UGT1A10: variants seen among roughly 807,000 people sequenced by gnomAD.
UGT1A10 encodes UDP glucuronosyltransferase family 1 member A10.
In UGT1A10, 49 loss-of-function variants were observed where a neutral mutation model predicts 45.8. The observed-to-expected ratio is 1.07, with a 90% CI of 0.85 to 1.36. The LOEUF is 1.36. Among genes scored for constraint, UGT1A10 ranks in the 40% most tolerant of loss-of-function variants. UGT1A10 has a pLI of 0.00. For synonymous variants in UGT1A10, 284 were observed against 249.7 expected (o/e 1.14, Z -1.29); for missense variants, 745 against 668.6 (o/e 1.11, Z -1.26).
Position 233,757,535 on chromosome 2 carries a change from A to AATATATATATATATAT in UGT1A10, c.856-9488_856-9473dup, listed in dbSNP as rs67292694. On this transcript the variant is annotated intron_variant, in intron 1 of 4. Coordinates refer to ENST00000344644, the MANE Select transcript of UGT1A10 (RefSeq NM_019075.4). Reference sequence around the variant, plus strand: ...CAAAGCCAAAATCTTGCCTGTAAGGAATATATATATATATATATATATATA... The same window carrying AATATATATATATATAT: ...CAAAGCCAAAATCTTGCCTGTAAGGAATATATATATATATATATATATATATATATATATATATATA... 5.8e-3 allele frequency among the ~76,000 whole-genome samples: 508 copies of AATATATATATATATAT among 88,168 alleles called. 6 individuals are homozygous for AATATATATATATATAT. The highest frequency in any genetic ancestry group is 0.021 in the Admixed American group (195 of 9,086). 57.8% of individuals were successfully genotyped at this position (88,168 alleles called of 152,430 possible).
chr2:233,636,766 A>C lies in UGT1A10; in HGVS notation c.244A>C (p.Thr82Pro). 1 of 1,614,028 alleles carries C rather than the reference A, an allele frequency of 6.2e-7. No homozygotes were observed. The highest frequency in any genetic ancestry group is 8.5e-7 in the Non-Finnish European group (1 of 1,180,008). ...CTVKTYSTSY[T>P]LEDQNREFMV... is the part of the protein sequence containing the mutation. ...AGTGAAGACTTACTCAACCTCGTAC[A>C]CTCTGGAAGATCAGAACCGGGAATT... Residue 82 changes from threonine to proline, a missense_variant, in exon 1 of 5, where the codon ACT becomes CCT. Transcript: ENST00000344644.
chr2:233,657,748 T>A (rs2073887147), intron 1 of UGT1A10, among the ~76,000 whole-genome samples: 3 of 152,230 alleles, frequency 2.0e-5, no homozygotes, highest in Non-Finnish European at 4.4e-5. Context: ...TTTTCCTATT[T>A]AAATATGATG....
rs894472929 is a variant in UGT1A10 at position 233,670,533 on chromosome 2, A to T, written c.855+33156A>T. Among the ~76,000 whole-genome samples, 3 of 152,208 alleles carry T rather than the reference A, an allele frequency of 2.0e-5. No individual in the cohort carries two copies. The East Asian group carries it at 5.8e-4, about 29-fold the overall frequency. On this transcript the variant is annotated intron_variant, in intron 1 of 4. Coordinates refer to ENST00000344644, the MANE Select transcript of UGT1A10 (RefSeq NM_019075.4). ...GGAAGCCTTTGCCAAACTGTTTAAT[A>T]GGAATTTGTTTTCTGGCATGGCTTC... is the stretch of plus-strand genomic sequence containing the variant.
In UGT1A10 at chr2:233,768,291, G is replaced by T; in HGVS notation, c.1147G>T (p.Val383Phe). The change falls in exon 4 of 5, where the codon GTT becomes TTT. Residue 383 changes from valine to phenylalanine, a missense_variant. Physicochemically the swap from Val to Phe is conservative, Grantham distance 50. Coordinates refer to ENST00000344644, the MANE Select transcript of UGT1A10 (RefSeq NM_019075.4). ...HGVYESICNG[V>F]PMVMMPLFGD... ...TGTTTATGAAAGCATATGCAATGGC[G>T]TTCCCATGGTGATGATGCCCTTGTT... is the stretch of plus-strand genomic sequence containing the variant. 1 of 1,614,148 alleles carries T rather than the reference G, an allele frequency of 6.2e-7. No homozygotes were observed. Among genetic ancestry groups the T allele is most frequent in the Non-Finnish European group, 8.5e-7 (1 of 1,180,032 alleles).
intron 1 of UGT1A10, chr2:233,742,900 A>G (rs1289893685): frequency 6.0e-6 from 1 of 165,412 alleles, no homozygotes; most frequent in Non-Finnish European, 1.3e-5. Flanking sequence ...CAACGGAAAA[A>G]GGTAATGCTC....
Position 233,701,581 on chromosome 2 carries a change from C to A in UGT1A10, c.855+64204C>A, listed in dbSNP as rs545182540. 1.6e-3 allele frequency among the ~76,000 whole-genome samples: 239 copies of A among 152,228 alleles called. 2 individuals carry two copies. The highest frequency in any genetic ancestry group is 5.4e-3 in the African/African-American group (224 of 41,532). ...ACACCACACCTACTCCAAAATTGACCACATAGTTGGAAGTAAAGCACTCCT... is the reference window on the plus strand; with the variant it reads ...ACACCACACCTACTCCAAAATTGACAACATAGTTGGAAGTAAAGCACTCCT... On this transcript the variant is annotated intron_variant, in intron 1 of 4. Transcript: ENST00000344644.
rs146937862 is a variant in UGT1A10 at position 233,663,315 on chromosome 2, T to C, written c.855+25938T>C. Among the ~76,000 whole-genome samples the C allele has an allele frequency of 2.4e-4, 37 of 152,106 alleles. 1 individual carries two copies. The highest frequency in any genetic ancestry group is 4.4e-4 in the Non-Finnish European group (30 of 68,014). On this transcript the variant is annotated intron_variant, in intron 1 of 4. Transcript: ENST00000344644. ...ACTCAAATCAGTCTCCCCAAGCAAT[T>C]TGGGGAACAGTTTTTAAGGAATACT...
At chr2:233,642,975 C>T (rs2073494606) in intron 1 of UGT1A10, among the ~76,000 whole-genome samples, 1 of 152,206 alleles carries the variant, frequency 6.6e-6, no homozygotes, top group Non-Finnish European at 1.5e-5. Context: ...TGGCCATCAC[C>T]ACTATGACTG....
intron 1 of UGT1A10, chr2:233,691,475 C>T: frequency 4.1e-6 from 4 of 985,770 alleles, no homozygotes; most frequent in Non-Finnish European, 4.8e-6. Flanking sequence ...CCTCCGGTGC[C>T]AAACTTGTGG....
chr2:233,688,441 C>T lies in UGT1A10; in HGVS notation c.855+51064C>T, dbSNP rs10168416. Among the ~76,000 whole-genome samples the T allele has an allele frequency of 2.6e-5, 4 of 152,144 alleles. No individual in the cohort carries two copies. In the East Asian group the frequency reaches 5.8e-4, roughly 22 times the overall value. On this transcript the variant is annotated intron_variant, in intron 1 of 4. Coordinates refer to ENST00000344644, the MANE Select transcript of UGT1A10 (RefSeq NM_019075.4). ...GCCTAACCTCTATACCTGACTGCCTCCCTGTGTTGACAGGAAACTTCTTGG... is the reference window on the plus strand; with the variant it reads ...GCCTAACCTCTATACCTGACTGCCTTCCTGTGTTGACAGGAAACTTCTTGG...
chr2:233,682,445 A>G (rs2074579608), intron 1 of UGT1A10: 2 of 1,613,894 alleles, frequency 1.2e-6, no homozygotes, highest in Non-Finnish European at 1.7e-6. Flanking sequence ...GGTCTTCGCC[A>G]GGGGAATATT....
intron 1 of UGT1A10, among the ~76,000 whole-genome samples, chr2:233,728,564 A>G (rs2077727018): frequency 6.6e-6 from 1 of 152,200 alleles, no homozygotes; most frequent in Non-Finnish European, 1.5e-5. Context: ...TACAAGAAAT[A>G]TCCTGGTGCG....
intron 1 of UGT1A10, among the ~76,000 whole-genome samples, chr2:233,667,865 T>A (rs1192905692): frequency 6.6e-6 from 1 of 152,218 alleles, no homozygotes; most frequent in Non-Finnish European, 1.5e-5. Flanking sequence ...TGGCAATCAT[T>A]AAAAAGTCAG....
Position 233,743,622 on chromosome 2 carries a change from C to T in UGT1A10, c.856-23412C>T, listed in dbSNP as rs146398257. On this transcript the variant is annotated intron_variant, in intron 1 of 4. Coordinates refer to ENST00000344644, the MANE Select transcript of UGT1A10 (RefSeq NM_019075.4). ...TGGCCGCCGAAGAACTCCCTGAAGACGTCGGCTGGGTCGCGGAAGCTGAAG... is the reference window on the plus strand; with the variant it reads ...TGGCCGCCGAAGAACTCCCTGAAGATGTCGGCTGGGTCGCGGAAGCTGAAG... 1.1e-3 allele frequency: 1,535 copies of T among 1,367,328 alleles called. 50 individuals are homozygous for T. In the African/African-American group the frequency reaches 0.021, roughly 19 times the overall value. 84.7% of individuals were successfully genotyped at this position (1,367,328 alleles called of 1,614,324 possible). A position where few individuals can be genotyped will look rare whatever the true frequency, so the allele number is the denominator to read the frequency against.
intron 1 of UGT1A10, among the ~76,000 whole-genome samples, chr2:233,706,932 A>G (rs1395113598): frequency 6.6e-6 from 1 of 152,126 alleles, no homozygotes; most frequent in Non-Finnish European, 1.5e-5. Context: ...GAGTCTGGTG[A>G]GATGGAATGC....
intron 1 of UGT1A10, among the ~76,000 whole-genome samples, chr2:233,701,868 A>G: frequency 6.6e-6 from 1 of 152,170 alleles, no homozygotes; most frequent in Non-Finnish European, 1.5e-5. Flanking sequence ...AATTTATAGC[A>G]CTAAATGCCC....
chr2:233,677,042 A>G (rs774903728), intron 1 of UGT1A10, among the ~76,000 whole-genome samples: 3 of 151,982 alleles, frequency 2.0e-5, no homozygotes, highest in East Asian at 1.9e-4. Flanking sequence ...CTTTTGCATT[A>G]CCATATGCAT....
intron 1 of UGT1A10, among the ~76,000 whole-genome samples, chr2:233,646,994 A>G (rs1208306273): frequency 1.3e-5 from 2 of 152,240 alleles, no homozygotes; most frequent in Admixed American, 1.3e-4. Context: ...TTAGAGTTCC[A>G]CATGGCTGGG....
chr2:233,663,484 G>A (rs781579859), intron 1 of UGT1A10, among the ~76,000 whole-genome samples: 6 of 152,082 alleles, frequency 3.9e-5, no homozygotes, highest in Non-Finnish European at 7.3e-5. Context: ...GATCTGGGTG[G>A]TGCCAGCTGA....
Sources: gnomAD v4.1 joint callset for allele counts (sites outside exome capture counted in the v4.1 genomes callset) on GRCh38, gnomAD v4.1.1 for gene constraint, MANE v1.5 for transcripts, NCBI Gene and HGNC (gene_info 2026-07-23, HGNC 2026-07-21) for gene names.